INPP5A: variants seen among roughly 807,000 people sequenced by gnomAD.
INPP5A encodes inositol polyphosphate-5-phosphatase A.
Under a neutral mutation model 65.2 loss-of-function variants are expected in INPP5A, and 14 were observed. That is an observed-to-expected ratio of 0.21 (90% confidence interval 0.14 to 0.34). The LOEUF (loss-of-function observed/expected upper bound fraction) is 0.34. Among genes scored for constraint, INPP5A ranks in the 10% least tolerant of loss-of-function variants. The probability of loss-of-function intolerance (pLI) is 1.00; values close to 1 mark genes in which losing one functional copy is unlikely to be tolerated. For synonymous variants in INPP5A, 207 were observed against 208.3 expected, an observed-to-expected ratio of 0.99 and a Z score of 0.05; for missense variants, 431 against 545.6, an observed-to-expected ratio of 0.79 and a Z score of 2.09.
intron 9 of INPP5A, among the ~76,000 whole-genome samples, chr10:132,735,166 G>A (rs1473732822): frequency 1.3e-5 from 2 of 152,302 alleles, no homozygotes; most frequent in East Asian, 1.9e-4. Context: ...GCAACCCCCC[G>A]TGTGGAGATA....
intron 1 of INPP5A, among the ~76,000 whole-genome samples, chr10:132,598,736 T>C (rs1343369291): frequency 6.6e-6 from 1 of 152,206 alleles, no homozygotes; most frequent in African/African-American, 2.4e-5. Context: ...TTCATGCTGC[T>C]GATAAAGACG....
chr10:132,554,029 A>G (rs1344737075), intron 1 of INPP5A, among the ~76,000 whole-genome samples: 1 of 151,426 alleles, frequency 6.6e-6, no homozygotes, highest in African/African-American at 2.4e-5. Context: ...ACGCCTTCTC[A>G]GAGCCTTGGT....
At chr10:132,689,408 C>T (rs979165340) in intron 4 of INPP5A, among the ~76,000 whole-genome samples, 1 of 152,226 alleles carries the variant, frequency 6.6e-6, no homozygotes, top group Admixed American at 6.5e-5. Flanking sequence ...GGACCTGCTA[C>T]CCCCACAGGG....
chr10:132,653,309 C>T (rs1034705235), intron 4 of INPP5A, among the ~76,000 whole-genome samples: 1 of 152,118 alleles, frequency 6.6e-6, no homozygotes, highest in African/African-American at 2.4e-5. Flanking sequence ...CTTCTTCAGG[C>T]CCCCGAGGGC....
rs533326194 is a variant in INPP5A at position 132,608,698 on chromosome 10, G to A, written c.117+742G>A. On this transcript the variant is annotated intron_variant, in intron 2 of 15. Coordinates refer to ENST00000368594, the MANE Select transcript of INPP5A (RefSeq NM_005539.5). ...CCAGGCTCGGCTCCAGGGGCTGGTG[G>A]TGAGGTCAGCTTCAGGATGGGGTGG... 3.3e-5 allele frequency among the ~76,000 whole-genome samples: 5 copies of A among 152,342 alleles called. No individual in the cohort carries two copies. The South Asian group carries it at 1.0e-3, about 32-fold the overall frequency.
intron 1 of INPP5A, among the ~76,000 whole-genome samples, chr10:132,571,265 G>A (rs569030160): frequency 1.3e-5 from 2 of 152,386 alleles, no homozygotes; most frequent in Admixed American, 1.3e-4. Flanking sequence ...CGAGGCCAGA[G>A]GCTCCTGCCG....
intron 9 of INPP5A, among the ~76,000 whole-genome samples, chr10:132,745,496 C>T (rs1233272890): frequency 1.3e-5 from 2 of 152,228 alleles, no homozygotes; most frequent in Admixed American, 6.5e-5. Flanking sequence ...TTTCCCTTCC[C>T]GAGTCCGGGC....
intron 6 of INPP5A, 37 bp from the exon 7 acceptor site, chr10:132,708,276 T>TA: frequency 6.2e-7 from 1 of 1,607,988 alleles, no homozygotes; most frequent in Non-Finnish European, 8.5e-7. Flanking sequence ...CTTGCTCACT[T>TA]ACTCTGGCTC....
At chr10:132,562,724 C>T (rs2071222119) in intron 1 of INPP5A, among the ~76,000 whole-genome samples, 1 of 152,248 alleles carries the variant, frequency 6.6e-6, no homozygotes, top group Non-Finnish European at 1.5e-5. Context: ...GGCATGCTTC[C>T]ACGGCTCATC....
At chr10:132,617,156 C>T (rs2072047066) in intron 2 of INPP5A, among the ~76,000 whole-genome samples, 2 of 152,162 alleles carry the variant, frequency 1.3e-5, no homozygotes, top group Admixed American at 6.5e-5. Context: ...TCTTGGTCTC[C>T]CAGTGACGAG....
At chr10:132,747,609 C>T (rs2134632636) in intron 9 of INPP5A, among the ~76,000 whole-genome samples, 1 of 152,404 alleles carries the variant, frequency 6.6e-6, no homozygotes, top group African/African-American at 2.4e-5. Context: ...TGTCTCCGAG[C>T]CCCGGCCAGC....
chr10:132,548,307 A>G (rs1316359767), intron 1 of INPP5A, among the ~76,000 whole-genome samples: 1 of 152,046 alleles, frequency 6.6e-6, no homozygotes, highest in South Asian at 2.1e-4. Context: ...GCGGCCACAT[A>G]TGCCATGCTC....
At position 132,698,776 on chromosome 10, in the gene INPP5A, C is replaced by T. The variant is rs757988718; in HGVS notation, c.474+857C>T. ...AGGAGCTCTCGTCCGGACTTGTCTG[C>T]GCAGGCAGCCCCAAGAAGGATTGCT... On this transcript the variant is annotated intron_variant, in intron 6 of 15. Coordinates refer to ENST00000368594, the MANE Select transcript of INPP5A (RefSeq NM_005539.5). The surrounding 1 kb of genome is among the most constrained non-coding windows in gnomAD (Gnocchi z 5.5). Among the ~76,000 whole-genome samples, 8 of 152,206 alleles carry T rather than the reference C, an allele frequency of 5.3e-5. No homozygotes were observed. The highest frequency in any genetic ancestry group is 2.6e-4 in the Admixed American group (4 of 15,284).
intron 11 of INPP5A, among the ~76,000 whole-genome samples, chr10:132,755,653 A>T (rs1422645642): frequency 1.4e-5 from 2 of 146,520 alleles, no homozygotes; most frequent in Non-Finnish European, 3.0e-5. Flanking sequence ...TGCATGCATG[A>T]GCGTGAGCAG....
At chr10:132,688,711 A>G (rs1020374170) in intron 4 of INPP5A, among the ~76,000 whole-genome samples, 2 of 146,040 alleles carry the variant, frequency 1.4e-5, no homozygotes, top group African/African-American at 2.7e-5. Flanking sequence ...GCAAGTGTGA[A>G]CAAGTGCATT....
chr10:132,776,354 C>T (rs1001035797), intron 12 of INPP5A, among the ~76,000 whole-genome samples: 1 of 151,816 alleles, frequency 6.6e-6, no homozygotes, highest in Non-Finnish European at 1.5e-5. Flanking sequence ...AGAGCAAGTT[C>T]CCAGTCCCCG....
chr10:132,769,581 A>G (rs552457505), intron 12 of INPP5A, among the ~76,000 whole-genome samples: 1 of 152,214 alleles, frequency 6.6e-6, no homozygotes, highest in Admixed American at 6.5e-5. Context: ...TGAGGGACCC[A>G]TGGTGGCAGG....
intron 11 of INPP5A, among the ~76,000 whole-genome samples, chr10:132,764,354 G>A (rs895427988): frequency 6.6e-6 from 1 of 152,208 alleles, no homozygotes; most frequent in Non-Finnish European, 1.5e-5. Flanking sequence ...TGACCGCACA[G>A]GAACATGGCC....
intron 13 of INPP5A, among the ~76,000 whole-genome samples, chr10:132,780,575 AC>A (rs1429360487): frequency 2.6e-5 from 4 of 152,212 alleles, no homozygotes; most frequent in Non-Finnish European, 1.5e-5. Flanking sequence ...GCGGCTCCCC[AC>A]GCGACCCCTC....
Sources: gnomAD v4.1 joint callset for allele counts (sites outside exome capture counted in the v4.1 genomes callset) on GRCh38, gnomAD v4.1.1 for gene constraint, Gnocchi (gnomAD v3.1) non-coding constraint, MANE v1.5 for transcripts, NCBI Gene and HGNC (gene_info 2026-07-23, HGNC 2026-07-21) for gene names.